INSL6: variants seen among roughly 807,000 people sequenced by gnomAD.
INSL6 encodes the protein insulin-like peptide INSL6.
INSL6 carries 16 observed loss-of-function variants against 9.4 expected under a neutral mutation model. That is an observed-to-expected ratio of 1.70 (90% CI 1.15 to 2.59). The LOEUF (loss-of-function observed/expected upper bound fraction) is 2.59. Among genes scored for constraint, INSL6 ranks in the 30% most tolerant of loss-of-function variants. INSL6 has a pLI of 0.00. For missense variants in INSL6, 391 were observed against 257.3 expected (o/e 1.52, Z -3.56); for synonymous variants, 154 against 96.9 (o/e 1.59, Z -3.46).
the INSL6 span, among the ~76,000 whole-genome samples, chr9:5,020,335 C>T: frequency 1.3e-5 from 2 of 152,220 alleles, no homozygotes; most frequent in East Asian, 1.9e-4. Context: ...GATCCCAAGG[C>T]CCCCAGATAA....
At chr9:5,122,540 T>C (rs928093247), downstream of INSL6, among the ~76,000 whole-genome samples, 1 of 152,108 alleles carries the variant, frequency 6.6e-6, no homozygotes, top group Non-Finnish European at 1.5e-5. Flanking sequence ...CAAAAATAAA[T>C]TTCTTTGGAT....
intron 2 of INSL6, among the ~76,000 whole-genome samples, chr9:5,152,091 G>GA (rs1238043685): frequency 3.9e-5 from 6 of 151,970 alleles, no homozygotes; most frequent in Non-Finnish European, 7.4e-5. Flanking sequence ...ACGAATGCAT[G>GA]AAAAAAATAT....
chr9:5,179,035 T>G (rs1407107266), intron 1 of INSL6, among the ~76,000 whole-genome samples: 4 of 138,834 alleles, frequency 2.9e-5, no homozygotes, highest in African/African-American at 8.9e-5. Context: ...CTAAAGGGCT[T>G]CTGCACAGCA....
the INSL6 span, chr9:5,100,713 A>C: frequency 6.6e-6 from 1 of 152,350 alleles, no homozygotes; most frequent in South Asian, 2.1e-4. Context: ...AAAGCAAATA[A>C]TTCTAGCACT....
At chr9:5,103,050 A>G in the INSL6 span, among the ~76,000 whole-genome samples, 2 of 151,888 alleles carry the variant, frequency 1.3e-5, no homozygotes, top group African/African-American at 2.4e-5. Flanking sequence ...AACAATATTA[A>G]CCTTAAATGT....
chr9:5,042,218 A>G, the INSL6 span, among the ~76,000 whole-genome samples: 1 of 149,514 alleles, frequency 6.7e-6, no homozygotes, highest in Admixed American at 6.7e-5. Flanking sequence ...GCTCACTGCA[A>G]GCTCCGCCTC....
chr9:5,064,676 A>G, the INSL6 span, among the ~76,000 whole-genome samples: 3 of 152,374 alleles, frequency 2.0e-5, no homozygotes, highest in Non-Finnish European at 2.9e-5. Flanking sequence ...AGAGTGAACT[A>G]TAACTGGGAA....
At chr9:5,010,717 A>C in the INSL6 span, among the ~76,000 whole-genome samples, 4 of 152,088 alleles carry the variant, frequency 2.6e-5, no homozygotes, top group African/African-American at 9.7e-5. Context: ...CTTTCTGTAA[A>C]CCTGAGTTTA....
At chr9:5,161,928 T>C (rs1824936259), downstream of INSL6, among the ~76,000 whole-genome samples, 6 of 151,526 alleles carry the variant, frequency 4.0e-5, no homozygotes, top group South Asian at 1.3e-3. Flanking sequence ...AAAAAAAATA[T>C]AAAAAATTAG....
At chr9:5,085,853 C>A in the INSL6 span, 5 of 771,042 alleles carry the variant, frequency 6.5e-6, no homozygotes, top group East Asian at 4.9e-5. Context: ...CAAAGTAGTA[C>A]TCAGAGATTT....
chr9:5,057,922 C>G, the INSL6 span, among the ~76,000 whole-genome samples: 1 of 152,022 alleles, frequency 6.6e-6, no homozygotes, highest in Non-Finnish European at 1.5e-5. Flanking sequence ...CTCTAGATAC[C>G]TCATAAAAGC....
chr9:5,134,212 C>T (rs1824346314), intron 2 of INSL6, among the ~76,000 whole-genome samples: 1 of 151,188 alleles, frequency 6.6e-6, no homozygotes, highest in Admixed American at 6.6e-5. Flanking sequence ...ACCAAATCTA[C>T]GTTTGGTGTA....
chr9:5,103,455 C>G, the INSL6 span, among the ~76,000 whole-genome samples: 3 of 151,886 alleles, frequency 2.0e-5, no homozygotes, highest in Non-Finnish European at 4.4e-5. Context: ...GACTTAGACT[C>G]CCACACAATA....
chr9:5,010,413 G>A, the INSL6 span, among the ~76,000 whole-genome samples: 5 of 151,790 alleles, frequency 3.3e-5, no homozygotes, highest in African/African-American at 9.7e-5. Context: ...CTCTGCCTTC[G>A]GGGTTCAAGC....
the INSL6 span, among the ~76,000 whole-genome samples, chr9:5,080,040 T>G: frequency 6.6e-6 from 1 of 152,200 alleles, no homozygotes; most frequent in Non-Finnish European, 1.5e-5. Flanking sequence ...AATATTGAAT[T>G]AGATGATCTT....
At chr9:5,049,255 T>C in the INSL6 span, among the ~76,000 whole-genome samples, 2 of 152,194 alleles carry the variant, frequency 1.3e-5, no homozygotes, top group African/African-American at 4.8e-5. Context: ...AGAGACATGA[T>C]GAAAACAGAT....
intron 2 of INSL6, among the ~76,000 whole-genome samples, chr9:5,138,342 TC>T (rs1210214216): frequency 1.3e-5 from 2 of 152,188 alleles, no homozygotes; most frequent in African/African-American, 4.8e-5. Context: ...CAAATGCCCA[TC>T]AGTGATAGAC....
chr9:5,070,535 C>T, the INSL6 span, among the ~76,000 whole-genome samples: 1 of 151,894 alleles, frequency 6.6e-6, no homozygotes, highest in Admixed American at 6.6e-5. Flanking sequence ...GGTTTTGCAT[C>T]CTATGAACAC....
At chr9:5,037,822 G>C in the INSL6 span, among the ~76,000 whole-genome samples, 1 of 152,140 alleles carries the variant, frequency 6.6e-6, no homozygotes, top group African/African-American at 2.4e-5. Flanking sequence ...TAACCTGCAT[G>C]TTGTGCACAT....
Sources: allele counts gnomAD v4.1 joint callset (sites outside exome capture counted in the v4.1 genomes callset), GRCh38; gene constraint gnomAD v4.1.1; transcripts MANE v1.5; gene names NCBI Gene and HGNC (gene_info 2026-07-23, HGNC 2026-07-21).